PMS2: variants seen among roughly 807,000 people sequenced by gnomAD.
PMS2 encodes PMS1 homolog 2, mismatch repair system component.
In PMS2, 69 loss-of-function variants were observed where a neutral mutation model predicts 90.0. The ratio of observed to expected loss-of-function variants is 0.77; its 90% CI spans 0.63 to 0.94. The LOEUF (loss-of-function observed/expected upper bound fraction) is 0.94. Among genes scored for constraint, PMS2 ranks in the 40% least tolerant of loss-of-function variants. The probability of loss-of-function intolerance (pLI) is 0.00; values close to 1 mark genes in which losing one functional copy is unlikely to be tolerated. For missense variants in PMS2, 966 were observed against 1,040.2 expected, an observed-to-expected ratio of 0.93 and a Z score of 0.98; for synonymous variants, 332 against 375.1, an observed-to-expected ratio of 0.89 and a Z score of 1.33.
intron 2 of PMS2, among the ~76,000 whole-genome samples, chr7:6,005,335 G>C (rs1785610772): frequency 6.6e-6 from 1 of 152,136 alleles, no homozygotes; most frequent in Admixed American, 6.5e-5. Context: ...GTCCCAAGTA[G>C]CTGGGATTAC....
At position 5,995,332 on chromosome 7, in the gene PMS2, C is replaced by T. The variant is rs914577819; in HGVS notation, c.903+202G>A. Among the ~76,000 whole-genome samples the T allele has an allele frequency of 3.3e-5, 5 of 152,248 alleles. No individual in the cohort carries two copies. In the South Asian group the frequency reaches 6.2e-4, roughly 19 times the overall value. ...GATTACAGGCATGAGCCACTGCGCCCGGACAGAAAAGTCTTCAGTTGAAAC... is the reference window on the plus strand; with the variant it reads ...GATTACAGGCATGAGCCACTGCGCCTGGACAGAAAAGTCTTCAGTTGAAAC... On this transcript the variant is annotated intron_variant, in intron 8 of 14. Transcript: ENST00000265849.
intron 8 of PMS2, among the ~76,000 whole-genome samples, chr7:5,995,119 G>A (rs934684286): frequency 3.9e-5 from 6 of 152,050 alleles, no homozygotes; most frequent in African/African-American, 1.4e-4. Flanking sequence ...CTTACTGCAA[G>A]CTCCATCTCC....
rs550523997 is a variant in PMS2 at position 6,002,384 on chromosome 7, A to G, written c.537+69T>C. ...GAAGAGAATCAACTGAAGAATAAAC[A>G]TCTTTAGTAAATCTTTTGCTCATGT... On this transcript the variant is annotated intron_variant, in intron 5 of 14. Coordinates refer to ENST00000265849, the MANE Select transcript of PMS2 (RefSeq NM_000535.7). 86 of 971,534 alleles carry G rather than the reference A, an allele frequency of 8.9e-5. No individual in the cohort carries two copies. In the East Asian group the frequency reaches 2.0e-3, roughly 23 times the overall value. The allele number at this position is 971,534 out of a possible 1,614,324, so 60.2% of individuals were successfully genotyped here. A position where few individuals can be genotyped will look rare whatever the true frequency, so the allele number is the denominator to read the frequency against.
chr7:5,990,630 T>C (rs1476720517), intron 9 of PMS2, among the ~76,000 whole-genome samples: 1 of 152,206 alleles, frequency 6.6e-6, no homozygotes, highest in African/African-American at 2.4e-5. Context: ...TGTAAATTGG[T>C]ACATCTAGAA....
Position 5,999,274 on chromosome 7 carries a change from T to G in PMS2, c.539A>C (p.Glu180Ala), listed in dbSNP as rs1064793401. 5.0e-6 allele frequency: 8 copies of G among 1,613,502 alleles called. No homozygotes were observed. Among genetic ancestry groups the G allele is most frequent in the Non-Finnish European group, 6.8e-6 (8 of 1,179,442 alleles). Residue 180 changes from glutamate to alanine, a missense_variant and splice_region_variant, in exon 6 of 15, where the codon GAG becomes GCG. Glu to Ala is a moderately radical substitution (Grantham distance 107). Around this residue, in one of 2 missense-constraint regions of PMS2, gnomAD observed 871 missense variants for 802.4 expected, o/e 1.09. Coordinates refer to ENST00000265849, the MANE Select transcript of PMS2 (RefSeq NM_000535.7). The stretch of plus-strand genomic sequence containing the variant: ...TAAGACCTGGACCATTTTGGCATAC[T>G]CCTGTTTAAAAAACACAAACACAAT... The part of the protein sequence containing the change: ...HKEFQRNIKK[E>A]YAKMVQVLHA...
At chr7:5,999,059 T>C (rs2128798347) in intron 6 of PMS2, 49 bp downstream of exon 6, 3 of 1,551,414 alleles carry the variant, frequency 1.9e-6, no homozygotes, top group Non-Finnish European at 2.7e-6. Flanking sequence ...GGAAACCCGC[T>C]ATAATCACTA....
Position 5,987,111 on chromosome 7 carries a change from G to C in PMS2, c.1654C>G (p.His552Asp), listed in dbSNP as rs786204114. Residue 552 changes from histidine to aspartate, a missense_variant, in exon 11 of 15, where the codon CAT becomes GAT. His to Asp is a moderately conservative substitution (Grantham distance 81, BLOSUM62 -1). This residue lies in a region of PMS2 where 871 missense variants were observed against 802.4 expected (regional missense o/e 1.09). Transcript: ENST00000265849. ...CATCCGGTATCTTCCTGGTTTGAAT[G>C]GCAGTCCACATCTGAAAAAGAGTCG... ...TDDSFSDVDC[H>D]SNQEDTGCKF... is the part of the protein sequence containing the mutation. 1 of 1,614,056 alleles carries C rather than the reference G, an allele frequency of 6.2e-7. No individual in the cohort carries two copies. The highest frequency in any genetic ancestry group is 8.5e-7 in the Non-Finnish European group (1 of 1,179,970).
intron 12 of PMS2, among the ~76,000 whole-genome samples, 197 bp downstream of exon 12, chr7:5,982,627 G>A (rs374057804): frequency 6.6e-6 from 1 of 152,154 alleles, no homozygotes. Flanking sequence ...GTGAGGCACC[G>A]CGCCTGGCCA....
chr7:5,997,034 G>C (rs1435383754), intron 7 of PMS2, among the ~76,000 whole-genome samples: 4 of 151,992 alleles, frequency 2.6e-5, no homozygotes, highest in African/African-American at 7.2e-5. Flanking sequence ...GGCCAACATG[G>C]TGAAACCCCG....
At chr7:5,992,333 T>C (rs115643697) in intron 8 of PMS2, among the ~76,000 whole-genome samples, 1,790 of 151,532 alleles carry the variant, frequency 0.012, 50 homozygotes, top group African/African-American at 0.041. Context: ...TTTCTTTTTT[T>C]TTTTCAACGG....
chr7:6,000,273 C>T (rs1039098083), intron 5 of PMS2, among the ~76,000 whole-genome samples: 2 of 150,514 alleles, frequency 1.3e-5, no homozygotes, highest in Non-Finnish European at 2.9e-5. Context: ...ACTTGGGAGG[C>T]TGAAGTGGGA....
intron 12 of PMS2, among the ~76,000 whole-genome samples, chr7:5,980,919 C>T (rs1177914353): frequency 1.3e-5 from 2 of 151,288 alleles, no homozygotes; most frequent in Non-Finnish European, 2.9e-5. Context: ...GAGTACTCAG[C>T]AAACTACACA....
At position 5,986,937 on chromosome 7, in the gene PMS2, T is replaced by C. The variant is rs199700509; in HGVS notation, c.1828A>G (p.Lys610Glu). 3.7e-5 allele frequency: 60 copies of C among 1,614,168 alleles called. No individual in the cohort carries two copies. Among genetic ancestry groups the C allele is most frequent in the Non-Finnish European group, 4.7e-5 (55 of 1,180,010 alleles). ...AGGGGCACAACTTTCTTATTAATTTTCACAGCTACATCAACCTGAGAGGCT... is the reference window on the plus strand; with the variant it reads ...AGGGGCACAACTTTCTTATTAATTTCCACAGCTACATCAACCTGAGAGGCT... ...MSASQVDVAVKINKKVVPLDF... is the reference protein window; with the variant it reads ...MSASQVDVAVEINKKVVPLDF... The change falls in exon 11 of 15, where the codon AAA becomes GAA. Residue 610 changes from lysine (K) to glutamate (E), a missense_variant. Lys to Glu is a moderately conservative substitution (Grantham distance 56, BLOSUM62 1). Transcript: ENST00000265849.
intron 5 of PMS2, among the ~76,000 whole-genome samples, chr7:5,999,771 C>T (rs983342134): frequency 4.0e-5 from 6 of 151,888 alleles, no homozygotes; most frequent in Admixed American, 6.6e-5. Context: ...ACTCCAGCCT[C>T]GGTGACAGAG....
At chr7:6,007,260 C>T (rs1355748847) in intron 1 of PMS2, among the ~76,000 whole-genome samples, 9 of 152,062 alleles carry the variant, frequency 5.9e-5, no homozygotes, top group Non-Finnish European at 1.2e-4. Flanking sequence ...GGATTACAGG[C>T]GCCCACCATC....
chr7:6,008,070 G>C (rs1400245977), intron 1 of PMS2, among the ~76,000 whole-genome samples: 1 of 152,004 alleles, frequency 6.6e-6, no homozygotes. Context: ...TGTTGGCCAG[G>C]CTGGTCATGA....
intron 11 of PMS2, 61 bp from the exon 12 acceptor site, chr7:5,983,052 T>C (rs1583300309): frequency 6.5e-7 from 1 of 1,549,424 alleles, no homozygotes; most frequent in South Asian, 1.2e-5. Context: ...GATTATGTTA[T>C]AGAACACTGT....
chr7:6,005,969 C>G lies in PMS2; in HGVS notation c.86G>C (p.Gly29Ala), dbSNP rs146176004. ...DRKSVHQICS[G>A]QVVLSLSTAV... The stretch of plus-strand genomic sequence containing the variant: ...AGTGCTTAGACTCAGTACCACCTGC[C>G]CAGAGCAAATCTGATGGACTGACTT... Residue 29 changes from glycine to alanine, a missense_variant, in exon 2 of 15, where the codon GGG (glycine) becomes GCG (alanine). Around this residue, in one of 2 missense-constraint regions of PMS2, gnomAD observed 871 missense variants for 802.4 expected, o/e 1.09. Transcript: ENST00000265849. 5.0e-4 allele frequency: 808 copies of G among 1,610,736 alleles called. 1 individual carries two copies. The highest frequency in any genetic ancestry group is 4.0e-4 in the Non-Finnish European group (474 of 1,179,808).
intron 1 of PMS2, among the ~76,000 whole-genome samples, chr7:6,006,996 C>A (rs139778605): frequency 0.024 from 3,580 of 152,190 alleles, 127 homozygotes; most frequent in African/African-American, 0.08. Context: ...CCACTTCCTA[C>A]TATATGAAAG....
Sources: gnomAD v4.1 joint callset for allele counts (sites outside exome capture counted in the v4.1 genomes callset) on GRCh38, gnomAD v4.1.1 for gene constraint, gnomAD v4.1.1 regional missense constraint, MANE v1.5 for transcripts, NCBI Gene and HGNC (gene_info 2026-07-23, HGNC 2026-07-21) for gene names.